The following OPCML variants were observed in gnomAD, a reference collection of about 807,000 sequenced individuals.
OPCML encodes the protein opioid binding protein/cell adhesion molecule like, also known as opioid-binding protein/cell adhesion molecule.
In OPCML, 13 loss-of-function variants were observed where a neutral mutation model predicts 37.8. That is an observed-to-expected ratio of 0.34 (90% CI 0.22 to 0.55). OPCML has a LOEUF of 0.55. Ranked by LOEUF, OPCML falls within the 20% of genes least tolerant of loss-of-function variation. The pLI, the probability that OPCML is intolerant of heterozygous loss-of-function variation, is 0.91. For synonymous variants in OPCML, 176 were observed against 168.8 expected, an observed-to-expected ratio of 1.04 and a Z score of -0.33; for missense variants, 341 against 435.6, an observed-to-expected ratio of 0.78 and a Z score of 1.93.
chr11:132,724,085 T>G (rs1280847225), intron 2 of OPCML, among the ~76,000 whole-genome samples: 1 of 151,970 alleles, frequency 6.6e-6, no homozygotes, highest in African/African-American at 2.4e-5. Context: ...AAATTGTGGG[T>G]CATTACTCAA....
chr11:133,038,574 T>C (rs1209547478), intron 1 of OPCML, among the ~76,000 whole-genome samples: 1 of 152,142 alleles, frequency 6.6e-6, no homozygotes, highest in African/African-American at 2.4e-5. Flanking sequence ...CCAGAGATAT[T>C]AGAGAATGCA....
chr11:132,820,097 A>G (rs7342226), intron 2 of OPCML, among the ~76,000 whole-genome samples: 10 of 45,812 alleles, frequency 2.2e-4, no homozygotes, highest in East Asian at 1.2e-3. Context: ...GAATGAATGA[A>G]TGAATGAAAG....
intron 1 of OPCML, among the ~76,000 whole-genome samples, chr11:133,263,803 C>T (rs774606991): frequency 6.6e-6 from 1 of 152,154 alleles, no homozygotes. Flanking sequence ...AAAAAAATAA[C>T]GGCATACTTC....
At chr11:133,367,122 G>A (rs1352336412) in intron 1 of OPCML, among the ~76,000 whole-genome samples, 1 of 152,158 alleles carries the variant, frequency 6.6e-6, no homozygotes, top group Non-Finnish European at 1.5e-5. Flanking sequence ...AGGATTACAG[G>A]CATGTACCAC....
chr11:132,653,390 T>G (rs1377117046), intron 3 of OPCML, among the ~76,000 whole-genome samples: 1 of 152,142 alleles, frequency 6.6e-6, no homozygotes, highest in Non-Finnish European at 1.5e-5. Flanking sequence ...CGCTTGTGCC[T>G]CCAGCTTCTC....
chr11:133,055,786 C>G (rs1275759730), intron 1 of OPCML, among the ~76,000 whole-genome samples: 1 of 151,116 alleles, frequency 6.6e-6, no homozygotes, highest in African/African-American at 2.4e-5. Flanking sequence ...GCCACCTCTA[C>G]TGTACAATGC....
In OPCML at chr11:132,501,043, G is replaced by T. The variant is rs1165365833; in HGVS notation, c.505+28018C>A. Among the ~76,000 whole-genome samples the T allele has an allele frequency of 3.3e-5, 5 of 152,148 alleles. No homozygotes were observed. In the East Asian group the frequency reaches 9.7e-4, roughly 29 times the overall value. On this transcript the variant is annotated intron_variant, in intron 4 of 7. Transcript: ENST00000524381. ...TGTGCATGTGTCTTTATAGTAGAATGATTTATAATCCTTTGGGTATATACC... is the reference window on the plus strand; with the variant it reads ...TGTGCATGTGTCTTTATAGTAGAATTATTTATAATCCTTTGGGTATATACC...
rs539339714 is a variant in OPCML, at chr11:133,102,091, C to G, written c.62-159081G>C. ...GTGATGAATAGGTAGGTTTTTAGGG[C>G]AGTAAAATCATTCTGTATGGTATTA... On this transcript the variant is annotated intron_variant, in intron 1 of 7. Transcript: ENST00000524381. 7.9e-5 allele frequency among the ~76,000 whole-genome samples: 12 copies of G among 152,230 alleles called. No individual in the cohort carries two copies. In the East Asian group the frequency reaches 2.1e-3, roughly 27 times the overall value.
intron 2 of OPCML, among the ~76,000 whole-genome samples, chr11:132,764,329 G>A (rs180898429): frequency 6.6e-6 from 1 of 152,140 alleles, no homozygotes; most frequent in Non-Finnish European, 1.5e-5. Context: ...CCCAACAAGT[G>A]CATGCACAGC....
chr11:132,585,871 GA>G (rs2096471562), intron 3 of OPCML, among the ~76,000 whole-genome samples: 1 of 152,174 alleles, frequency 6.6e-6, no homozygotes, highest in African/African-American at 2.4e-5. Flanking sequence ...GATTTCAATA[GA>G]AATTCCTTCA....
chr11:132,971,430 C>G (rs546939363), intron 1 of OPCML, among the ~76,000 whole-genome samples: 8 of 152,282 alleles, frequency 5.3e-5, no homozygotes, highest in African/African-American at 1.9e-4. Flanking sequence ...CTTCAAGCTC[C>G]CTGCAAACAC....
Position 132,888,399 on chromosome 11 carries a change from A to G in OPCML, c.146+54527T>C, listed in dbSNP as rs560219996. Among the ~76,000 whole-genome samples, 5 of 152,310 alleles carry G rather than the reference A, an allele frequency of 3.3e-5. No homozygotes were observed. The East Asian group carries it at 9.7e-4, about 29-fold the overall frequency. On this transcript the variant is annotated intron_variant, in intron 2 of 7. Transcript: ENST00000524381. ...CTCTGATGTGTGACAAATTGAAGGA[A>G]GCACAGCCATGCCTTCAGCATGCTC...
chr11:133,134,243 T>TG (rs1949647687), intron 1 of OPCML, among the ~76,000 whole-genome samples: 2 of 152,154 alleles, frequency 1.3e-5, no homozygotes, highest in African/African-American at 4.8e-5. Flanking sequence ...CCTGCTCACA[T>TG]GACCAGCACC....
chr11:132,516,795 G>A (rs945164614), intron 4 of OPCML, among the ~76,000 whole-genome samples: 9 of 152,102 alleles, frequency 5.9e-5, no homozygotes, highest in Non-Finnish European at 1.0e-4. Context: ...AACATTGTGC[G>A]CTTGGTGCAC....
intron 2 of OPCML, among the ~76,000 whole-genome samples, chr11:132,781,620 C>A (rs1947019198): frequency 1.5e-5 from 2 of 132,830 alleles, no homozygotes; most frequent in South Asian, 4.5e-4. Flanking sequence ...ACACACACAC[C>A]CTATTTTTTT....
At chr11:132,647,535 C>T (rs1308502739) in intron 3 of OPCML, among the ~76,000 whole-genome samples, 2 of 151,956 alleles carry the variant, frequency 1.3e-5, no homozygotes, top group East Asian at 1.9e-4. Context: ...ATATTATATA[C>T]TGTATTCATA....
chr11:133,101,243 A>G (rs1949081802), intron 1 of OPCML, among the ~76,000 whole-genome samples: 1 of 152,154 alleles, frequency 6.6e-6, no homozygotes, highest in Non-Finnish European at 1.5e-5. Flanking sequence ...AGTTATTTAG[A>G]TGTAATAGCA....
chr11:132,998,206 C>T (rs1196449096), intron 1 of OPCML, among the ~76,000 whole-genome samples: 2 of 152,144 alleles, frequency 1.3e-5, no homozygotes, highest in Non-Finnish European at 1.5e-5. Context: ...CCCATGACAC[C>T]ATCATGTGAT....
chr11:132,906,509 G>T (rs1307655313), intron 2 of OPCML, among the ~76,000 whole-genome samples: 1 of 152,104 alleles, frequency 6.6e-6, no homozygotes, highest in African/African-American at 2.4e-5. Context: ...TTTAGATTGT[G>T]TAGGCACCAT....
Sources: gnomAD v4.1 joint callset for allele counts (sites outside exome capture counted in the v4.1 genomes callset) on GRCh38, gnomAD v4.1.1 for gene constraint, MANE v1.5 for transcripts, NCBI Gene and HGNC (gene_info 2026-07-23, HGNC 2026-07-21) for gene names.